The following AGT variants were observed in gnomAD, a reference collection of about 807,000 sequenced individuals.
The protein encoded by AGT is alpha-1 antiproteinase, antitrypsin.
In AGT, 26 loss-of-function variants were observed where a neutral mutation model predicts 28.1. That is an observed-to-expected ratio of 0.92 (90% CI 0.68 to 1.28). AGT has a LOEUF of 1.28. AGT is among the 50% of genes most tolerant of loss of function. AGT has a pLI of 0.00. For synonymous variants in AGT, 259 were observed against 259.6 expected, an observed-to-expected ratio of 1.00 and a Z score of 0.02; for missense variants, 596 against 592.3, an observed-to-expected ratio of 1.01 and a Z score of -0.06.
At chr1:230,707,971 G>A (rs1663443599) in intron 2 of AGT, among the ~76,000 whole-genome samples, 1 of 152,154 alleles carries the variant, frequency 6.6e-6, no homozygotes, top group African/African-American at 2.4e-5. Flanking sequence ...AGATCCTCAG[G>A]TCCTCTCTAG....
intron 1 of AGT, among the ~76,000 whole-genome samples, chr1:230,712,670 G>A (rs1663630107): frequency 6.6e-6 from 1 of 152,236 alleles, no homozygotes; most frequent in Non-Finnish European, 1.5e-5. Context: ...CGCTCACTGT[G>A]CTGCTCCTGC....
chr1:230,717,532 TGAGCCAAAACTAATTGTTTCACAG>T (rs1191160183), upstream of AGT, among the ~76,000 whole-genome samples: 2 of 152,224 alleles, frequency 1.3e-5, no homozygotes, highest in Admixed American at 6.5e-5. Flanking sequence ...TTTTTGCCTC[TGAGCCAAAACTAATTGTTTCACAG>T]GAGCCTTGTT....
At chr1:230,720,613 T>C (rs1179894872) in intron 1 of AGT, among the ~76,000 whole-genome samples, 2 of 152,236 alleles carry the variant, frequency 1.3e-5, no homozygotes, top group Non-Finnish European at 2.9e-5. Flanking sequence ...TGTCTTCCTG[T>C]TTGGTGTGCT....
Position 230,706,068 on chromosome 1 carries a change from G to A in AGT, c.962C>T (p.Ser321Leu), listed in dbSNP as rs1271376354. Residue 321 changes from serine (S) to leucine (L), a missense_variant, in exon 3 of 5, where the codon TCG becomes TTG. Coordinates refer to ENST00000366667, the MANE Select transcript of AGT (RefSeq NM_001384479.1). ...QHWSDIQDNF[S>L]VTQVPFTESA... Reference sequence around the variant, plus strand: ...CTCAGTGAAGGGCACTTGAGTCACCGAGAAGTTGTCCTGGATGTCACTCCA... The same window carrying A: ...CTCAGTGAAGGGCACTTGAGTCACCAAGAAGTTGTCCTGGATGTCACTCCA... The A allele has an allele frequency of 5.0e-6, 8 of 1,614,052 alleles. No homozygotes were observed. The highest frequency in any genetic ancestry group is 1.6e-4 in the Middle Eastern group (1 of 6,084).
At chr1:230,739,579 G>A (rs961106525) in intron 1 of AGT, among the ~76,000 whole-genome samples, 17 of 152,084 alleles carry the variant, frequency 1.1e-4, no homozygotes, top group Non-Finnish European at 2.5e-4. Context: ...GGAAATGTTG[G>A]AGCCAGGCTG....
At chr1:230,740,962 T>G (rs1664238593) in intron 1 of AGT, among the ~76,000 whole-genome samples, 2 of 152,034 alleles carry the variant, frequency 1.3e-5, no homozygotes, top group Admixed American at 6.6e-5. Flanking sequence ...AGGATTTTTT[T>G]GGGCCCTAAA....
At chr1:230,740,819 C>T (rs1664234825) in intron 1 of AGT, among the ~76,000 whole-genome samples, 1 of 152,144 alleles carries the variant, frequency 6.6e-6, no homozygotes, top group South Asian at 2.1e-4. Context: ...TGTGGTGGCA[C>T]ACGCCTGTAG....
chr1:230,719,629 G>A (rs375336533), intron 1 of AGT, among the ~76,000 whole-genome samples: 3 of 151,828 alleles, frequency 2.0e-5, no homozygotes, highest in South Asian at 2.1e-4. Context: ...GGGTGGTCTC[G>A]ATCTCCTGAC....
chr1:230,712,365 T>C (rs1558288898), intron 1 of AGT, among the ~76,000 whole-genome samples: 1 of 152,126 alleles, frequency 6.6e-6, no homozygotes, highest in Non-Finnish European at 1.5e-5. Flanking sequence ...TCTGCTTCAG[T>C]CATTCAAATG....
intron 1 of AGT, among the ~76,000 whole-genome samples, chr1:230,711,816 TAA>T (rs58359338): frequency 0.1 from 14,215 of 136,104 alleles, 845 homozygotes; most frequent in East Asian, 0.25. Flanking sequence ...GGACCACGTA[TAA>T]AAAAAAAAAA....
chr1:230,709,461 T>A (rs1365949251), intron 2 of AGT, among the ~76,000 whole-genome samples: 3 of 151,006 alleles, frequency 2.0e-5, no homozygotes, highest in South Asian at 4.2e-4. Flanking sequence ...AAATCAACAA[T>A]CTTTGTAGTA....
intron 1 of AGT, among the ~76,000 whole-genome samples, chr1:230,742,345 T>G (rs1417851584): frequency 6.6e-6 from 1 of 152,224 alleles, no homozygotes; most frequent in African/African-American, 2.4e-5. Context: ...AGACAGAGTC[T>G]CGCACTGTCA....
chr1:230,721,002 G>A (rs1337001004), intron 1 of AGT, among the ~76,000 whole-genome samples: 4 of 152,244 alleles, frequency 2.6e-5, no homozygotes, highest in Non-Finnish European at 5.9e-5. Flanking sequence ...GGGGCCGATT[G>A]GGTGAGGCAC....
At chr1:230,719,658 C>T (rs538965409) in intron 1 of AGT, among the ~76,000 whole-genome samples, 3 of 152,154 alleles carry the variant, frequency 2.0e-5, no homozygotes, top group African/African-American at 7.2e-5. Flanking sequence ...CCGCCTGCCT[C>T]GGCCTCCCAA....
chr1:230,733,205 C>A (rs1664097965), intron 1 of AGT, among the ~76,000 whole-genome samples: 1 of 152,066 alleles, frequency 6.6e-6, no homozygotes, highest in Admixed American at 6.5e-5. Context: ...ATCACTTAAA[C>A]CTGGGAGGCA....
intron 1 of AGT, among the ~76,000 whole-genome samples, chr1:230,722,582 G>A (rs1172520671): frequency 1.3e-5 from 2 of 152,254 alleles, no homozygotes; most frequent in Non-Finnish European, 2.9e-5. Flanking sequence ...GCTGCCCAAG[G>A]CCATGGGACC....
intron 1 of AGT, among the ~76,000 whole-genome samples, chr1:230,735,606 C>T (rs936781831): frequency 2.1e-4 from 32 of 152,194 alleles, no homozygotes; most frequent in African/African-American, 7.2e-4. Flanking sequence ...GCCCCTCCCT[C>T]GGAGTGCACT....
At chr1:230,737,352 C>T (rs992811384) in intron 1 of AGT, among the ~76,000 whole-genome samples, 1 of 152,090 alleles carries the variant, frequency 6.6e-6, no homozygotes, top group Non-Finnish European at 1.5e-5. Flanking sequence ...ACTTTTGTCA[C>T]CAAGACTGGA....
In AGT at chr1:230,719,571, C is replaced by A. The variant is rs564937102; in HGVS notation, c.-30-8718G>T. On this transcript the variant is annotated intron_variant, in intron 1 of 4. Coordinates refer to the AGT transcript ENST00000681269. ...TACAGGTGCCCGCCACCATGCCCAGCTAATTTTTTGTATTTTTAGTAGAGA... is the reference window on the plus strand; with the variant it reads ...TACAGGTGCCCGCCACCATGCCCAGATAATTTTTTGTATTTTTAGTAGAGA... 8.5e-5 allele frequency among the ~76,000 whole-genome samples: 13 copies of A among 152,112 alleles called. No homozygotes were observed. In the South Asian group the frequency reaches 2.3e-3, roughly 27 times the overall value.
Sources: gnomAD v4.1 joint callset for allele counts (sites outside exome capture counted in the v4.1 genomes callset) on GRCh38, gnomAD v4.1.1 for gene constraint, MANE v1.5 for transcripts, NCBI Gene and HGNC (gene_info 2026-07-23, HGNC 2026-07-21) for gene names.